Variants in COL25A1 observed in about 807,000 individuals in gnomAD.
The protein encoded by COL25A1 is collagen type XXV alpha 1 chain.
COL25A1 carries 103 observed loss-of-function variants against 128.4 expected under a neutral mutation model. That is an observed-to-expected ratio of 0.80 (90% CI 0.68 to 0.94). The LOEUF (loss-of-function observed/expected upper bound fraction) is 0.94. Among genes scored for constraint, COL25A1 ranks in the 40% least tolerant of loss-of-function variants. The pLI is 0.00. For synonymous variants in COL25A1, 279 were observed against 277.2 expected, an observed-to-expected ratio of 1.01 and a Z score of -0.06; for missense variants, 745 against 840.0, an observed-to-expected ratio of 0.89 and a Z score of 1.40.
Position 109,197,480 on chromosome 4 carries a change from T to A in COL25A1, c.367+103103A>T, listed in dbSNP as rs550572343. On this transcript the variant is annotated intron_variant, in intron 3 of 37. Coordinates refer to ENST00000399132, the MANE Select transcript of COL25A1 (RefSeq NM_198721.4). Reference sequence around the variant, plus strand: ...TATAAATATTATATATAATATATATTATATATTATATATAAATATATATTA... The same window carrying A: ...TATAAATATTATATATAATATATATAATATATTATATATAAATATATATTA... Among the ~76,000 whole-genome samples the A allele has an allele frequency of 6.5e-3, 768 of 117,758 alleles. 6 individuals carry two copies. Among genetic ancestry groups the A allele is most frequent in the African/African-American group, 0.023 (731 of 31,358 alleles). 77.3% of individuals were successfully genotyped at this position (117,758 alleles called of 152,430 possible). A position where few individuals can be genotyped will look rare whatever the true frequency, so the allele number is the denominator to read the frequency against.
chr4:109,083,053 T>A (rs1763996040), intron 3 of COL25A1, among the ~76,000 whole-genome samples: 1 of 152,212 alleles, frequency 6.6e-6, no homozygotes, highest in Non-Finnish European at 1.5e-5. Flanking sequence ...AATAAAACTT[T>A]GTAAAGGGCA....
chr4:109,218,356 G>GTTTTTTTTGTTT (rs796441649), intron 3 of COL25A1, among the ~76,000 whole-genome samples: 1 of 100,470 alleles, frequency 1.0e-5, no homozygotes, highest in African/African-American at 4.1e-5. Flanking sequence ...GGTTTTTTGG[G>GTTTTTTTTGTTT]GTTTTTTTTT....
chr4:108,964,925 A>G (rs1401112440), intron 8 of COL25A1, among the ~76,000 whole-genome samples: 1 of 152,144 alleles, frequency 6.6e-6, no homozygotes, highest in African/African-American at 2.4e-5. Flanking sequence ...ATTGTGTTAT[A>G]TCCATTCCCT....
chr4:108,980,161 G>A (rs765635325), intron 6 of COL25A1, among the ~76,000 whole-genome samples: 8 of 152,224 alleles, frequency 5.3e-5, no homozygotes, highest in Non-Finnish European at 7.3e-5. Context: ...GGAGTGCGGA[G>A]ATGAAGTGTG....
In COL25A1 at chr4:109,031,407, C is replaced by G. The variant is rs117763654; in HGVS notation, c.420+16761G>C. ...CTAGGATTACAGGCGTGAGCCACCG[C>G]GCCAGGCCATGTTACAATACTTTTT... On this transcript the variant is annotated intron_variant, in intron 5 of 37. Transcript: ENST00000399132. 1.4e-3 allele frequency among the ~76,000 whole-genome samples: 207 copies of G among 152,270 alleles called. 7 individuals carry two copies. In the East Asian group the frequency reaches 0.035, roughly 25 times the overall value.
intron 6 of COL25A1, among the ~76,000 whole-genome samples, chr4:109,000,980 AAAG>A (rs1755313294): frequency 1.3e-5 from 2 of 152,038 alleles, no homozygotes; most frequent in Admixed American, 1.3e-4. Context: ...TTTGAAGAGA[AAAG>A]AAGTAAATGG....
At chr4:109,298,208 T>TA (rs879267108) in intron 3 of COL25A1, among the ~76,000 whole-genome samples, 15 of 152,152 alleles carry the variant, frequency 9.9e-5, no homozygotes, top group Non-Finnish European at 1.9e-4. Flanking sequence ...AAGCCATTTT[T>TA]AAAAAATTGT....
chr4:109,082,036 T>C (rs1451064879), intron 3 of COL25A1, among the ~76,000 whole-genome samples: 1 of 152,232 alleles, frequency 6.6e-6, no homozygotes, highest in Non-Finnish European at 1.5e-5. Flanking sequence ...TACAGATTTG[T>C]CTTTTCTGTA....
intron 3 of COL25A1, among the ~76,000 whole-genome samples, chr4:109,297,058 T>C (rs1315240959): frequency 6.6e-6 from 1 of 152,136 alleles, no homozygotes; most frequent in Non-Finnish European, 1.5e-5. Flanking sequence ...GTTTGGTTAC[T>C]GCTAAACCAA....
chr4:108,845,617 C>G (rs1734992835), intron 28 of COL25A1, among the ~76,000 whole-genome samples: 1 of 151,686 alleles, frequency 6.6e-6, no homozygotes, highest in African/African-American at 2.4e-5. Flanking sequence ...TATATACTTC[C>G]TTGTTTTACA....
chr4:109,035,188 A>G (rs1160384858), intron 5 of COL25A1, among the ~76,000 whole-genome samples: 1 of 152,194 alleles, frequency 6.6e-6, no homozygotes, highest in Non-Finnish European at 1.5e-5. Flanking sequence ...TCAGCCAACA[A>G]AGGCACATCT....
chr4:109,242,311 T>G (rs1000762117), intron 3 of COL25A1, among the ~76,000 whole-genome samples: 3 of 152,132 alleles, frequency 2.0e-5, no homozygotes, highest in Non-Finnish European at 4.4e-5. Context: ...CCCCATTTTT[T>G]AAAGGCAAAT....
At chr4:109,289,732 G>T (rs984266091) in intron 3 of COL25A1, among the ~76,000 whole-genome samples, 2 of 152,016 alleles carry the variant, frequency 1.3e-5, no homozygotes, top group East Asian at 1.9e-4. Context: ...GTAGAATGGG[G>T]TTCTTATTTA....
intron 3 of COL25A1, among the ~76,000 whole-genome samples, chr4:109,265,083 G>A (rs1202797962): frequency 6.6e-6 from 1 of 152,018 alleles, no homozygotes; most frequent in Non-Finnish European, 1.5e-5. Context: ...AGACATATTT[G>A]ACATTTCCAA....
chr4:109,031,228 C>T (rs556903915), intron 5 of COL25A1, among the ~76,000 whole-genome samples: 12 of 152,224 alleles, frequency 7.9e-5, no homozygotes, highest in South Asian at 2.1e-4. Context: ...TCTCTCGCCT[C>T]AGCCTTGTGA....
At position 108,974,359 on chromosome 4, in the gene COL25A1, C is replaced by T. The variant is rs1752217829; in HGVS notation, c.492+8G>A. The T allele has an allele frequency of 1.9e-6, 3 of 1,613,850 alleles. No individual in the cohort carries two copies. The highest frequency in any genetic ancestry group is 2.2e-5 in the East Asian group (1 of 44,860). ...TTTTCCGCCCAAGATAGGTAGAGCA[C>T]AACTTACCCTAGGTCCCTGATCACC... is the stretch of plus-strand genomic sequence containing the variant. On this transcript the variant is annotated splice_region_variant and intron_variant, in intron 8 of 37. Coordinates refer to ENST00000399132, the MANE Select transcript of COL25A1 (RefSeq NM_198721.4).
chr4:109,004,377 A>G (rs974110434), intron 6 of COL25A1, among the ~76,000 whole-genome samples: 1 of 148,588 alleles, frequency 6.7e-6, no homozygotes, highest in Non-Finnish European at 1.5e-5. Context: ...ATAACATGTG[A>G]TATAGAAGTA....
chr4:108,827,022 T>C, intron 33 of COL25A1, 113 bp downstream of exon 33: 1 of 860,994 alleles, frequency 1.2e-6, no homozygotes, highest in Non-Finnish European at 1.9e-6. Flanking sequence ...AATGAGTGGA[T>C]TGTTGTTTCT....
chr4:108,821,386 T>C (rs553062099), intron 35 of COL25A1, among the ~76,000 whole-genome samples: 6 of 152,268 alleles, frequency 3.9e-5, no homozygotes, highest in South Asian at 2.1e-4. Context: ...CAGGAGTAAG[T>C]TGGTCACTCA....
Sources: allele counts gnomAD v4.1 joint callset (sites outside exome capture counted in the v4.1 genomes callset), GRCh38; gene constraint gnomAD v4.1.1; transcripts MANE v1.5; gene names NCBI Gene and HGNC (gene_info 2026-07-23, HGNC 2026-07-21).